Variants in SPECC1L observed in about 807,000 individuals in gnomAD.
SPECC1L encodes cytospin-A.
Under a neutral mutation model 116.8 loss-of-function variants are expected in SPECC1L, and 40 were observed. The ratio of observed to expected loss-of-function variants is 0.34; its 90% confidence interval spans 0.27 to 0.45. The LOEUF (loss-of-function observed/expected upper bound fraction) is 0.45, where lower values mean the gene tolerates loss of function less well. Ranked by LOEUF, SPECC1L falls within the 20% of genes least tolerant of loss-of-function variation. The pLI, the probability that SPECC1L is intolerant of heterozygous loss-of-function variation, is 1.00. For synonymous variants in SPECC1L, 504 were observed against 500.6 expected, an observed-to-expected ratio of 1.01 and a Z score of -0.09; for missense variants, 1,110 against 1,373.6, an observed-to-expected ratio of 0.81 and a Z score of 3.03.
intron 6 of SPECC1L, among the ~76,000 whole-genome samples, chr22:24,326,343 T>G (rs2040821434): frequency 6.6e-6 from 1 of 152,252 alleles, no homozygotes; most frequent in African/African-American, 2.4e-5. Context: ...TCCTTACTCC[T>G]CGTCTTATGT....
chr22:24,316,470 G>A, intron 4 of SPECC1L, among the ~76,000 whole-genome samples: 1 of 151,116 alleles, frequency 6.6e-6, no homozygotes, highest in Non-Finnish European at 1.5e-5. Flanking sequence ...ATTAGGGAGT[G>A]GTGATGACTC....
At chr22:24,372,326 C>CA (rs1158262362) in intron 14 of SPECC1L, among the ~76,000 whole-genome samples, 12 of 151,914 alleles carry the variant, frequency 7.9e-5, no homozygotes, top group Non-Finnish European at 2.9e-5. Context: ...AGAGACACAA[C>CA]AAAAAAAGAG....
At chr22:24,302,851 C>G (rs148637120) in intron 3 of SPECC1L, among the ~76,000 whole-genome samples, 1 of 152,298 alleles carries the variant, frequency 6.6e-6, no homozygotes, top group East Asian at 1.9e-4. Context: ...AGTCCTGTGA[C>G]CCCTAGACAG....
intron 16 of SPECC1L, among the ~76,000 whole-genome samples, chr22:24,414,178 G>A (rs1456994516): frequency 1.3e-5 from 2 of 152,178 alleles, no homozygotes; most frequent in Admixed American, 6.5e-5. Context: ...CAGTGCCTGG[G>A]GCTGAGAAGG....
At chr22:24,289,054 G>A (rs1429291626) in intron 2 of SPECC1L, among the ~76,000 whole-genome samples, 1 of 152,160 alleles carries the variant, frequency 6.6e-6, no homozygotes, top group African/African-American at 2.4e-5. Flanking sequence ...TTGATGTTTT[G>A]AATTAAAACT....
rs201589731 is a variant in SPECC1L, at chr22:24,326,344, C to T, written c.2146+1917C>T. Reference sequence around the variant, plus strand: ...TTTTTCAGCTTCTGTCCTTACTCCTCGTCTTATGTCCAAAACCCTGAATTT... The same window carrying T: ...TTTTTCAGCTTCTGTCCTTACTCCTTGTCTTATGTCCAAAACCCTGAATTT... On this transcript the variant is annotated intron_variant, in intron 6 of 16. Coordinates refer to ENST00000314328, the MANE Select transcript of SPECC1L (RefSeq NM_015330.6). 3.3e-5 allele frequency among the ~76,000 whole-genome samples: 5 copies of T among 152,322 alleles called. No individual in the cohort carries two copies. The East Asian group carries it at 5.8e-4, about 18-fold the overall frequency.
At chr22:24,296,978 C>T (rs2049278305) in intron 2 of SPECC1L, among the ~76,000 whole-genome samples, 1 of 146,734 alleles carries the variant, frequency 6.8e-6, no homozygotes, top group Non-Finnish European at 1.5e-5. Context: ...CCAAATCTTA[C>T]TCTGTCACCC....
chr22:24,389,002 G>A (rs2042215347), intron 14 of SPECC1L, among the ~76,000 whole-genome samples: 1 of 151,674 alleles, frequency 6.6e-6, no homozygotes, highest in Non-Finnish European at 1.5e-5. Context: ...GACATTTCAT[G>A]TAACTGGAAT....
At chr22:24,378,503 T>A (rs2146683594) in intron 14 of SPECC1L, among the ~76,000 whole-genome samples, 1 of 152,388 alleles carries the variant, frequency 6.6e-6, no homozygotes, top group Non-Finnish European at 1.5e-5. Flanking sequence ...ACAAGTGGCC[T>A]AACTTTCAGC....
At chr22:24,386,981 A>G (rs2042172656) in intron 14 of SPECC1L, among the ~76,000 whole-genome samples, 1 of 152,214 alleles carries the variant, frequency 6.6e-6, no homozygotes, top group Non-Finnish European at 1.5e-5. Context: ...GATTAGACAC[A>G]GAAAGCCTGA....
intron 14 of SPECC1L, among the ~76,000 whole-genome samples, chr22:24,374,934 C>T (rs1328138349): frequency 6.6e-6 from 1 of 151,392 alleles, no homozygotes; most frequent in Admixed American, 6.6e-5. Flanking sequence ...AACAAATTGA[C>T]AAACCTCTAA....
At chr22:24,394,765 A>G (rs560461653) in intron 14 of SPECC1L, among the ~76,000 whole-genome samples, 1 of 152,334 alleles carries the variant, frequency 6.6e-6, no homozygotes, top group East Asian at 1.9e-4. Context: ...CAGTTGCCTG[A>G]TAACTAATGG....
chr22:24,322,559 A>T lies in SPECC1L; in HGVS notation c.1579A>T (p.Asn527Tyr). The change falls in exon 5 of 17, where the codon AAT becomes TAT. Residue 527 changes from asparagine (N) to tyrosine (Y), a missense_variant. Physicochemically the swap from Asn to Tyr is moderately radical, Grantham distance 143. This residue lies in a region of SPECC1L where 575 missense variants were observed against 682.4 expected (regional missense o/e 0.84). Coordinates refer to ENST00000314328, the MANE Select transcript of SPECC1L (RefSeq NM_015330.6). The part of the protein sequence containing the change: ...SNTLKMAEQD[N>Y]KEAQEMIGAL... ...TACTTTGAAAATGGCAGAACAAGACAATAAGGAAGCTCAAGAAATGATAGG... is the reference window on the plus strand; with the variant it reads ...TACTTTGAAAATGGCAGAACAAGACTATAAGGAAGCTCAAGAAATGATAGG... 1 of 1,614,202 alleles carries T rather than the reference A, an allele frequency of 6.2e-7. No individual in the cohort carries two copies. The highest frequency in any genetic ancestry group is 8.5e-7 in the Non-Finnish European group (1 of 1,180,026).
intron 10 of SPECC1L, among the ~76,000 whole-genome samples, chr22:24,343,850 G>T (rs2041232291): frequency 6.6e-6 from 1 of 152,108 alleles, no homozygotes; most frequent in African/African-American, 2.4e-5. Context: ...CAAAAGCTGA[G>T]GGAATTCATT....
intron 9 of SPECC1L, 105 bp from the exon 10 acceptor site, chr22:24,338,281 C>T (rs748881473): frequency 3.4e-5 from 36 of 1,063,752 alleles, no homozygotes; most frequent in Middle Eastern, 2.0e-4. Context: ...CAGTGTCCAG[C>T]GGGGTTTGAG....
intron 9 of SPECC1L, among the ~76,000 whole-genome samples, chr22:24,338,135 A>C (rs1392546383): frequency 6.6e-6 from 1 of 152,192 alleles, no homozygotes; most frequent in African/African-American, 2.4e-5. Flanking sequence ...ACAAAAACGA[A>C]ATGACTGCCA....
At chr22:24,327,699 A>G (rs1287216366) in intron 6 of SPECC1L, among the ~76,000 whole-genome samples, 1 of 152,178 alleles carries the variant, frequency 6.6e-6, no homozygotes, top group African/African-American at 2.4e-5. Flanking sequence ...ACTTTTTATT[A>G]CTGCTACCAT....
chr22:24,316,006 C>T (rs1400988417), intron 4 of SPECC1L, among the ~76,000 whole-genome samples: 1 of 152,198 alleles, frequency 6.6e-6, no homozygotes, highest in East Asian at 1.9e-4. Flanking sequence ...TATCCTGTCT[C>T]CAGGTGCAGT....
At chr22:24,355,995 A>G (rs1482672691) in intron 11 of SPECC1L, among the ~76,000 whole-genome samples, 1 of 151,622 alleles carries the variant, frequency 6.6e-6, no homozygotes, top group Non-Finnish European at 1.5e-5. Context: ...GTCAACCCCT[A>G]CCATACACCC....
Sources: allele counts gnomAD v4.1 joint callset (sites outside exome capture counted in the v4.1 genomes callset), GRCh38; gene constraint gnomAD v4.1.1; regional missense constraint gnomAD v4.1.1; transcripts MANE v1.5; gene names NCBI Gene and HGNC (gene_info 2026-07-23, HGNC 2026-07-21).